REDIC1: variants seen among roughly 807,000 people sequenced by gnomAD.
The protein encoded by REDIC1 is regulator of DNA class I crossover intermediates 1.
the REDIC1 span, chr12:39,907,708 C>T: frequency 6.6e-6 from 1 of 152,036 alleles, no homozygotes; most frequent in East Asian, 1.9e-4. Context: ...GCAGAAAGCC[C>T]TCTGACCTGT....
chr12:39,752,363 T>C, the REDIC1 span, among the ~76,000 whole-genome samples: 2 of 152,102 alleles, frequency 1.3e-5, no homozygotes, highest in African/African-American at 4.8e-5. Flanking sequence ...TTATGAGAAT[T>C]GAATATCTGG....
At chr12:39,704,023 C>T in the REDIC1 span, among the ~76,000 whole-genome samples, 1 of 152,162 alleles carries the variant, frequency 6.6e-6, no homozygotes, top group South Asian at 2.1e-4. Flanking sequence ...TGGGCAAGGT[C>T]ATGTCTAAAA....
At chr12:39,662,199 T>C in the REDIC1 span, among the ~76,000 whole-genome samples, 1 of 152,056 alleles carries the variant, frequency 6.6e-6, no homozygotes, top group Admixed American at 6.6e-5. Context: ...TTGACAGAGA[T>C]TACATTGACT....
the REDIC1 span, among the ~76,000 whole-genome samples, chr12:39,712,433 C>T: frequency 2.0e-5 from 2 of 100,220 alleles, no homozygotes; most frequent in Non-Finnish European, 4.2e-5. Context: ...CGTATATATA[C>T]ATACGTATAT....
the REDIC1 span, among the ~76,000 whole-genome samples, chr12:39,795,743 G>A: frequency 1.3e-5 from 2 of 152,180 alleles, no homozygotes; most frequent in Admixed American, 1.3e-4. Context: ...CATAAAGTCA[G>A]GCCACATAAG....
the REDIC1 span, among the ~76,000 whole-genome samples, chr12:39,797,589 T>A: frequency 2.6e-4 from 40 of 152,210 alleles, no homozygotes; most frequent in Non-Finnish European, 4.7e-4. Context: ...TCGTCCCTTT[T>A]GTTGTCTCTC....
chr12:39,699,676 C>T, the REDIC1 span, among the ~76,000 whole-genome samples: 1 of 152,246 alleles, frequency 6.6e-6, no homozygotes, highest in Non-Finnish European at 1.5e-5. Context: ...GTAACCTCTG[C>T]AGACTTAAAT....
At chr12:39,828,316 AT>A in the REDIC1 span, among the ~76,000 whole-genome samples, 78 of 148,636 alleles carry the variant, frequency 5.2e-4, no homozygotes, top group South Asian at 1.5e-3. Context: ...TGTGAACATC[AT>A]TTTTTTTTTA....
the REDIC1 span, among the ~76,000 whole-genome samples, chr12:39,700,136 A>C: frequency 6.6e-6 from 1 of 152,200 alleles, no homozygotes; most frequent in African/African-American, 2.4e-5. Flanking sequence ...CAATCAAATT[A>C]CTCCGAGCTA....
the REDIC1 span, among the ~76,000 whole-genome samples, chr12:39,873,548 C>A: frequency 6.6e-6 from 1 of 152,104 alleles, no homozygotes; most frequent in Non-Finnish European, 1.5e-5. Flanking sequence ...AAGAATTTGA[C>A]ATGTGTCATG....
the REDIC1 span, chr12:39,755,810 A>G: frequency 6.6e-6 from 1 of 152,074 alleles, no homozygotes; most frequent in Non-Finnish European, 1.5e-5. Flanking sequence ...ACATATAAAG[A>G]TTTACATAAA....
chr12:39,861,336 G>A, the REDIC1 span, among the ~76,000 whole-genome samples: 1 of 152,162 alleles, frequency 6.6e-6, no homozygotes, highest in Non-Finnish European at 1.5e-5. Context: ...TAATCCTATG[G>A]TAGGTGATCC....
the REDIC1 span, chr12:39,692,215 T>A: frequency 3.6e-6 from 4 of 1,116,410 alleles, no homozygotes; most frequent in South Asian, 7.0e-5. Context: ...TGCCAACAAA[T>A]ATATATCATG....
chr12:39,883,823 T>C, the REDIC1 span, among the ~76,000 whole-genome samples: 1 of 152,106 alleles, frequency 6.6e-6, no homozygotes, highest in Non-Finnish European at 1.5e-5. Flanking sequence ...AATCACAAAC[T>C]GGGAAAAGAG....
the REDIC1 span, among the ~76,000 whole-genome samples, chr12:39,631,477 G>T: frequency 1.3e-5 from 2 of 151,676 alleles, no homozygotes; most frequent in Non-Finnish European, 1.5e-5. Flanking sequence ...TTTTGTAGAA[G>T]AACAGAATGC....
the REDIC1 span, among the ~76,000 whole-genome samples, chr12:39,824,498 G>A: frequency 6.6e-6 from 1 of 152,164 alleles, no homozygotes; most frequent in African/African-American, 2.4e-5. Flanking sequence ...GTGTTCAATC[G>A]GAGTCAGTTA....
the REDIC1 span, among the ~76,000 whole-genome samples, chr12:39,891,127 T>C: frequency 1.3e-5 from 2 of 150,928 alleles, no homozygotes; most frequent in African/African-American, 2.4e-5. Context: ...TACCTTTTTT[T>C]TTTTAACATT....
the REDIC1 span, among the ~76,000 whole-genome samples, chr12:39,763,653 G>A: frequency 6.6e-6 from 1 of 152,026 alleles, no homozygotes; most frequent in South Asian, 2.1e-4. Flanking sequence ...AGCTCTTCTG[G>A]GAGAATGGTC....
chr12:39,809,070 G>C, the REDIC1 span, among the ~76,000 whole-genome samples: 46 of 152,060 alleles, frequency 3.0e-4, no homozygotes, highest in African/African-American at 9.4e-4. Context: ...GATGTATATT[G>C]AGCTTTTTTG....
Sources: allele counts gnomAD v4.1 joint callset (sites outside exome capture counted in the v4.1 genomes callset), GRCh38; gene constraint gnomAD v4.1.1; transcripts MANE v1.5; gene names NCBI Gene and HGNC (gene_info 2026-07-23, HGNC 2026-07-21).